The following AGBL4 variants were observed in gnomAD, a reference collection of about 807,000 sequenced individuals.
AGBL4 encodes cytosolic carboxypeptidase 6.
In AGBL4, 58 loss-of-function variants were observed where a neutral mutation model predicts 66.4. The ratio of observed to expected loss-of-function variants is 0.87; its 90% CI spans 0.71 to 1.09. AGBL4 has a LOEUF of 1.09. Among genes scored for constraint, AGBL4 ranks in the 50% least tolerant of loss-of-function variants. The pLI is 0.00. For missense variants in AGBL4, 579 were observed against 631.0 expected (o/e 0.92, Z 0.88); for synonymous variants, 234 against 222.9 (o/e 1.05, Z -0.44).
intron 3 of AGBL4, among the ~76,000 whole-genome samples, chr1:49,440,433 T>C (rs1300096245): frequency 6.6e-6 from 1 of 152,152 alleles, no homozygotes; most frequent in Non-Finnish European, 1.5e-5. Flanking sequence ...TAGAGAGTTA[T>C]GTAAAATAAA....
In AGBL4 at chr1:48,828,185, C is replaced by CAA. The variant is rs569351077; in HGVS notation, c.634+39004_634+39005dup. On this transcript the variant is annotated intron_variant, in intron 6 of 13. Coordinates refer to ENST00000371839, the MANE Select transcript of AGBL4 (RefSeq NM_032785.4). Reference sequence around the variant, plus strand: ...TACTCCAGCCTGGGCAACTCCATCTCAAAAAAAAAAAAAAAGAAAAAAAGA... The same window carrying CAA: ...TACTCCAGCCTGGGCAACTCCATCTCAAAAAAAAAAAAAAAAAGAAAAAAAGA... Among the ~76,000 whole-genome samples the CAA allele has an allele frequency of 4.1e-4, 50 of 123,364 alleles. 1 individual carries two copies. Among genetic ancestry groups the CAA allele is most frequent in the Admixed American group, 6.6e-4 (8 of 12,102 alleles). The allele number at this position is 123,364 out of a possible 152,430, so 80.9% of individuals were successfully genotyped here.
intron 12 of AGBL4, among the ~76,000 whole-genome samples, chr1:48,536,438 T>C (rs901217526): frequency 6.6e-6 from 1 of 151,980 alleles, no homozygotes; most frequent in African/African-American, 2.4e-5. Flanking sequence ...CCATAGAAGG[T>C]TTTTGAGAGA....
chr1:48,973,313 T>G (rs1481015518), intron 5 of AGBL4, among the ~76,000 whole-genome samples: 2 of 152,196 alleles, frequency 1.3e-5, no homozygotes, highest in Non-Finnish European at 2.9e-5. Flanking sequence ...GCCAATTAAC[T>G]GTGTACATAT....
At chr1:49,006,433 G>A (rs1312406275) in intron 5 of AGBL4, among the ~76,000 whole-genome samples, 39 of 152,020 alleles carry the variant, frequency 2.6e-4, no homozygotes, top group African/African-American at 7.0e-4. Context: ...ACTGCAAGGC[G>A]GCAGCGAGGC....
chr1:49,730,131 C>G lies in AGBL4; in HGVS notation c.158-32694G>C, dbSNP rs189141701. On this transcript the variant is annotated intron_variant, in intron 2 of 13. Transcript: ENST00000371839. ...CACAGATGGCTTCTCACTTCTGGGCCTCCTCTCACACAGTGGGCTACCCAC... is the reference window on the plus strand; with the variant it reads ...CACAGATGGCTTCTCACTTCTGGGCGTCCTCTCACACAGTGGGCTACCCAC... Among the ~76,000 whole-genome samples the G allele has an allele frequency of 2.3e-3, 356 of 152,270 alleles. 3 individuals are homozygous for G. Among genetic ancestry groups the G allele is most frequent in the Admixed American group, 2.9e-3 (44 of 15,300 alleles).
chr1:48,904,547 C>A (rs1652401764), intron 5 of AGBL4, among the ~76,000 whole-genome samples: 1 of 152,152 alleles, frequency 6.6e-6, no homozygotes, highest in Non-Finnish European at 1.5e-5. Flanking sequence ...AGTTTCAGAG[C>A]TGTCTGTCTC....
chr1:49,169,766 T>TC (rs1318341389), intron 4 of AGBL4, among the ~76,000 whole-genome samples: 1 of 152,176 alleles, frequency 6.6e-6, no homozygotes, highest in Non-Finnish European at 1.5e-5. Context: ...TAGACTTTTT[T>TC]CTCTGGTTTT....
At chr1:49,494,200 T>C (rs1047577205) in intron 3 of AGBL4, among the ~76,000 whole-genome samples, 1 of 151,950 alleles carries the variant, frequency 6.6e-6, no homozygotes, top group Non-Finnish European at 1.5e-5. Flanking sequence ...CACAATAGGG[T>C]ATATGAGCTA....
At chr1:49,526,738 A>G (rs1347077663) in intron 3 of AGBL4, among the ~76,000 whole-genome samples, 3 of 152,166 alleles carry the variant, frequency 2.0e-5, no homozygotes. Context: ...AATATGACAG[A>G]GTTCTTTCCA....
chr1:48,891,739 G>A (rs942541793), intron 5 of AGBL4, among the ~76,000 whole-genome samples: 9 of 152,122 alleles, frequency 5.9e-5, no homozygotes, highest in Non-Finnish European at 1.3e-4. Context: ...CACTACATGG[G>A]AACTTCACTC....
intron 4 of AGBL4, among the ~76,000 whole-genome samples, chr1:49,236,841 C>T (rs558012443): frequency 6.6e-6 from 1 of 152,182 alleles, no homozygotes; most frequent in South Asian, 2.1e-4. Context: ...ACTCAAATCT[C>T]CTCTTGAATT....
intron 4 of AGBL4, among the ~76,000 whole-genome samples, chr1:49,134,080 A>G (rs1645956808): frequency 6.6e-6 from 1 of 152,060 alleles, no homozygotes; most frequent in African/African-American, 2.4e-5. Context: ...GAGACATCAC[A>G]TGTCGGCAGG....
intron 2 of AGBL4, among the ~76,000 whole-genome samples, chr1:49,740,753 G>A (rs1048947202): frequency 8.5e-5 from 13 of 152,086 alleles, no homozygotes; most frequent in Admixed American, 2.6e-4. Context: ...AACTCACTCA[G>A]AACCACTCAA....
chr1:49,346,918 T>C (rs1388754249), intron 3 of AGBL4, among the ~76,000 whole-genome samples: 1 of 152,216 alleles, frequency 6.6e-6, no homozygotes, highest in African/African-American at 2.4e-5. Context: ...TTCTTAATCA[T>C]AGGATATTTA....
chr1:49,107,605 TA>T (rs1377204818), intron 4 of AGBL4, among the ~76,000 whole-genome samples: 1 of 151,882 alleles, frequency 6.6e-6, no homozygotes, highest in African/African-American at 2.4e-5. Context: ...GTTCTACACA[TA>T]AAGACTTCAT....
chr1:48,754,964 G>A (rs1231565494), intron 6 of AGBL4, among the ~76,000 whole-genome samples: 4 of 152,250 alleles, frequency 2.6e-5, no homozygotes, highest in African/African-American at 7.2e-5. Flanking sequence ...GCAAAATGAC[G>A]GTGACAGTCT....
chr1:49,171,994 A>C (rs17105534), intron 4 of AGBL4, among the ~76,000 whole-genome samples: 3,642 of 152,286 alleles, frequency 0.024, 122 homozygotes, highest in African/African-American at 0.083. Context: ...CATAAATAGT[A>C]AATAGTGGAG....
At chr1:48,888,679 T>C (rs1650611252) in intron 5 of AGBL4, among the ~76,000 whole-genome samples, 1 of 144,166 alleles carries the variant, frequency 6.9e-6, no homozygotes, top group African/African-American at 2.6e-5. Flanking sequence ...AACCTTATTT[T>C]CATTATAAAT....
In AGBL4 at chr1:50,019,263, TTCTCTCTCTCTCTCTCTC is replaced by T. The variant is rs71059571; in HGVS notation, c.34+4482_34+4499del. ...TCCTATGCCTTTAGGAAAAAAAATA[TTCTCTCTCTCTCTCTCTC>T]TCTCTCTCTCTCTCTCTCTCTCTCT... On this transcript the variant is annotated intron_variant, in intron 1 of 13. Transcript: ENST00000371839. Among the ~76,000 whole-genome samples, 448 of 83,668 alleles carry T rather than the reference TTCTCTCTCTCTCTCTCTC, an allele frequency of 5.4e-3. 1 individual carries two copies. The highest frequency in any genetic ancestry group is 8.2e-3 in the Middle Eastern group (1 of 122). The allele number at this position is 83,668 out of a possible 152,430, so 54.9% of individuals were successfully genotyped here.
Sources: allele counts gnomAD v4.1 joint callset (sites outside exome capture counted in the v4.1 genomes callset), GRCh38; gene constraint gnomAD v4.1.1; transcripts MANE v1.5; gene names NCBI Gene and HGNC (gene_info 2026-07-23, HGNC 2026-07-21).